Variants in TRAM2 observed in about 807,000 individuals in gnomAD.
TRAM2 encodes the protein translocation associated membrane protein 2, also known as translocating chain-associated membrane protein 2.
In TRAM2, 12 loss-of-function variants were observed where a neutral mutation model predicts 51.0. That is an observed-to-expected ratio of 0.24 (90% CI 0.15 to 0.38). The LOEUF (loss-of-function observed/expected upper bound fraction) is 0.38, where lower values mean the gene tolerates loss of function less well. Among genes scored for constraint, TRAM2 ranks in the 10% least tolerant of loss-of-function variants. The probability of loss-of-function intolerance (pLI) is 1.00; values close to 1 mark genes in which losing one functional copy is unlikely to be tolerated. For missense variants in TRAM2, 361 were observed against 462.0 expected, an observed-to-expected ratio of 0.78 and a Z score of 2.00; for synonymous variants, 175 against 179.4, an observed-to-expected ratio of 0.98 and a Z score of 0.20.
chr6:52,551,991 C>T (rs535896471), intron 1 of TRAM2, among the ~76,000 whole-genome samples: 5 of 152,262 alleles, frequency 3.3e-5, no homozygotes, highest in Non-Finnish European at 7.3e-5. Flanking sequence ...TGCAGCTGGC[C>T]GCTCGAGAAG....
rs1766206114 is a variant in TRAM2, at chr6:52,500,854, T to C, written c.*2343A>G. The C allele has an allele frequency of 6.6e-6, 1 of 152,366 alleles. No individual in the cohort carries two copies. The allele number at this position is 152,366 out of a possible 1,614,324, so 9.4% of individuals were successfully genotyped here. ...ATCCCAGCATGCCATACATATCTGT[T>C]GAAGCCACAACTCAACAGTTTAACC... On this transcript the variant is annotated 3_prime_UTR_variant, in exon 11 of 11. Coordinates refer to ENST00000182527, the MANE Select transcript of TRAM2 (RefSeq NM_012288.4).
At chr6:52,525,757 G>A (rs1459377300) in intron 2 of TRAM2, among the ~76,000 whole-genome samples, 4 of 152,192 alleles carry the variant, frequency 2.6e-5, no homozygotes, top group African/African-American at 7.2e-5. Context: ...GCAGTGAGCC[G>A]AGATTGTGCC....
intron 1 of TRAM2, among the ~76,000 whole-genome samples, chr6:52,568,820 G>C (rs1767630891): frequency 6.6e-6 from 1 of 152,054 alleles, no homozygotes. Context: ...TAAAGATGAA[G>C]GAACAAACTG....
Position 52,547,677 on chromosome 6 carries a change from T to G in TRAM2, c.121-11831A>C, listed in dbSNP as rs886345998. 3.3e-5 allele frequency among the ~76,000 whole-genome samples: 5 copies of G among 152,236 alleles called. No individual in the cohort carries two copies. The East Asian group carries it at 9.6e-4, about 29-fold the overall frequency. Reference sequence around the variant, plus strand: ...CTCTAGAGGGACAGGCAGGGCCACCTAGATGGATTTACAAGGGATGACTGT... The same window carrying G: ...CTCTAGAGGGACAGGCAGGGCCACCGAGATGGATTTACAAGGGATGACTGT... On this transcript the variant is annotated intron_variant, in intron 1 of 10. Coordinates refer to ENST00000182527, the MANE Select transcript of TRAM2 (RefSeq NM_012288.4).
chr6:52,522,394 T>G (rs924995682), intron 2 of TRAM2, among the ~76,000 whole-genome samples: 1 of 152,220 alleles, frequency 6.6e-6, no homozygotes, highest in Admixed American at 6.5e-5. Flanking sequence ...AAGAAAAATC[T>G]TTACGTGAAA....
At chr6:52,542,280 A>ATTTTT (rs1247920817) in intron 1 of TRAM2, among the ~76,000 whole-genome samples, 9,553 of 125,506 alleles carry the variant, frequency 0.076, 874 homozygotes, top group African/African-American at 0.25. Context: ...TTTTTTTAAA[A>ATTTTT]AAAATAGTCT....
chr6:52,529,229 C>T (rs1420773813), intron 2 of TRAM2, among the ~76,000 whole-genome samples: 1 of 152,130 alleles, frequency 6.6e-6, no homozygotes, highest in Non-Finnish European at 1.5e-5. Context: ...CTGTATAGCA[C>T]CAGCTGGAAA....
At chr6:52,563,050 T>C (rs544150142) in intron 1 of TRAM2, among the ~76,000 whole-genome samples, 2 of 152,360 alleles carry the variant, frequency 1.3e-5, no homozygotes, top group South Asian at 2.1e-4. Context: ...CAACAAGATA[T>C]GCCTGTATAC....
intron 1 of TRAM2, among the ~76,000 whole-genome samples, chr6:52,554,328 C>T (rs1330596436): frequency 6.6e-6 from 1 of 151,976 alleles, no homozygotes; most frequent in African/African-American, 2.4e-5. Context: ...AGTTCGAGAC[C>T]AGCCTGGCCA....
At chr6:52,558,276 G>A (rs1233110858) in intron 1 of TRAM2, among the ~76,000 whole-genome samples, 4 of 152,148 alleles carry the variant, frequency 2.6e-5, no homozygotes, top group Non-Finnish European at 4.4e-5. Flanking sequence ...GAAGGAGCCC[G>A]GGAGCACCAG....
chr6:52,550,677 G>A (rs1389314233), intron 1 of TRAM2, among the ~76,000 whole-genome samples: 3 of 151,912 alleles, frequency 2.0e-5, no homozygotes, highest in Non-Finnish European at 4.4e-5. Context: ...TCAGCCTCCC[G>A]AATAGCTAGG....
At chr6:52,555,434 G>A (rs1345597324) in intron 1 of TRAM2, among the ~76,000 whole-genome samples, 3 of 151,936 alleles carry the variant, frequency 2.0e-5, no homozygotes, top group African/African-American at 7.3e-5. Flanking sequence ...TATATGAATA[G>A]ACAGATATAA....
At chr6:52,531,098 G>A (rs953329835) in intron 2 of TRAM2, among the ~76,000 whole-genome samples, 2 of 112,958 alleles carry the variant, frequency 1.8e-5, no homozygotes, top group Non-Finnish European at 3.4e-5. Flanking sequence ...AACCTTAGAA[G>A]TCAGAATTTA....
chr6:52,503,905 A>G (rs1766289093), intron 10 of TRAM2, among the ~76,000 whole-genome samples: 1 of 152,164 alleles, frequency 6.6e-6, no homozygotes, highest in Admixed American at 6.5e-5. Context: ...TGACACACCC[A>G]GCTGCGCGCG....
intron 8 of TRAM2, 111 bp from the exon 9 acceptor site, chr6:52,505,853 G>T (rs750774943): frequency 4.8e-6 from 7 of 1,467,838 alleles, no homozygotes; most frequent in Non-Finnish European, 6.4e-6. Flanking sequence ...GGTGGCTGGG[G>T]AAAGTGCTTG....
At chr6:52,516,884 A>G in intron 2 of TRAM2, 147 bp from the exon 3 acceptor site, 1 of 647,612 alleles carries the variant, frequency 1.5e-6, no homozygotes, top group African/African-American at 1.8e-5. Flanking sequence ...TTTCTGCCCC[A>G]GAATCCTGCC....
chr6:52,516,546 C>A, intron 3 of TRAM2, 82 bp downstream of exon 3: 2 of 1,126,212 alleles, frequency 1.8e-6, no homozygotes, highest in African/African-American at 1.5e-5. Flanking sequence ...GGGTGCAGAG[C>A]TGCAGTTTCC....
intron 3 of TRAM2, 145 bp downstream of exon 3, chr6:52,516,483 G>A (rs1162023446): frequency 1.2e-5 from 8 of 671,934 alleles, no homozygotes; most frequent in Admixed American, 2.5e-5. Context: ...AAAGTGTGGT[G>A]AAGGAAGCCC....
intron 1 of TRAM2, among the ~76,000 whole-genome samples, chr6:52,569,459 G>C (rs1478593323): frequency 6.6e-6 from 1 of 151,336 alleles, no homozygotes; most frequent in Admixed American, 6.6e-5. Context: ...TTTTGTCATA[G>C]CAGCCCAAAC....
Sources: allele counts gnomAD v4.1 joint callset (sites outside exome capture counted in the v4.1 genomes callset), GRCh38; gene constraint gnomAD v4.1.1; transcripts MANE v1.5; gene names NCBI Gene and HGNC (gene_info 2026-07-23, HGNC 2026-07-21).